The following TCERG1L variants were observed in gnomAD, a reference collection of about 807,000 sequenced individuals.
TCERG1L encodes the protein transcription elongation regulator 1 like, also known as transcription elongation regulator 1-like protein.
In TCERG1L, 37 loss-of-function variants were observed where a neutral mutation model predicts 56.3. The observed-to-expected ratio is 0.66, with a 90% CI of 0.51 to 0.87. The LOEUF is 0.87. Among genes scored for constraint, TCERG1L ranks in the 40% least tolerant of loss-of-function variants. The pLI is 0.00. For missense variants in TCERG1L, 799 were observed against 774.2 expected (o/e 1.03, Z -0.38); for synonymous variants, 324 against 326.3 (o/e 0.99, Z 0.08).
chr10:131,267,283 T>G lies in TCERG1L; in HGVS notation c.671-6839A>C, dbSNP rs1463940159. ...TGAGTGTGCACACACCTGGCTGGAC[T>G]GCAACAGCACCCAGGCTTGGCCCCA... On this transcript the variant is annotated intron_variant, in intron 3 of 11. Transcript: ENST00000368642. The surrounding 1 kb of genome is among the most constrained non-coding windows in gnomAD (Gnocchi z 4.9). 6.6e-6 allele frequency among the ~76,000 whole-genome samples: 1 copy of G among 152,164 alleles called. No homozygotes were observed. Among genetic ancestry groups the G allele is most frequent in the Non-Finnish European group, 1.5e-5 (1 of 68,020 alleles).
At chr10:131,248,044 C>T (rs1846058806) in intron 4 of TCERG1L, among the ~76,000 whole-genome samples, 1 of 151,932 alleles carries the variant, frequency 6.6e-6, no homozygotes, top group South Asian at 2.1e-4. Flanking sequence ...AACTCACACA[C>T]ATTGTAAATT....
chr10:131,230,228 C>T (rs1414015153), intron 4 of TCERG1L, among the ~76,000 whole-genome samples: 8 of 152,344 alleles, frequency 5.3e-5, no homozygotes, highest in East Asian at 3.9e-4. Context: ...TTTCATTTTA[C>T]GAGGACAAGG....
At chr10:131,104,590 T>C (rs1270103802) in intron 9 of TCERG1L, among the ~76,000 whole-genome samples, 1 of 152,218 alleles carries the variant, frequency 6.6e-6, no homozygotes, top group Non-Finnish European at 1.5e-5. Context: ...CTTGGGTATC[T>C]TTCAGGGGTG....
chr10:131,231,508 G>A (rs1262766994), intron 4 of TCERG1L, among the ~76,000 whole-genome samples: 1 of 152,164 alleles, frequency 6.6e-6, no homozygotes, highest in East Asian at 1.9e-4. Context: ...TGCCTGCAGA[G>A]CTTGTGGCTC....
chr10:131,229,973 TC>T (rs1267302611), intron 4 of TCERG1L, among the ~76,000 whole-genome samples: 2 of 152,168 alleles, frequency 1.3e-5, no homozygotes, highest in African/African-American at 4.8e-5. Flanking sequence ...CAGCTTCCCC[TC>T]CGCAGAAGCA....
intron 4 of TCERG1L, among the ~76,000 whole-genome samples, chr10:131,182,213 C>T (rs1845187698): frequency 6.6e-6 from 1 of 152,144 alleles, no homozygotes; most frequent in South Asian, 2.1e-4. Flanking sequence ...TGTGAGTGGG[C>T]ATGGGAAACA....
At chr10:131,153,623 C>T (rs1265300948) in intron 6 of TCERG1L, among the ~76,000 whole-genome samples, 1 of 152,156 alleles carries the variant, frequency 6.6e-6, no homozygotes, top group Non-Finnish European at 1.5e-5. Flanking sequence ...GATCCTAGGC[C>T]AGCATTTGTT....
rs1451905282 is a variant in TCERG1L at position 131,260,337 on chromosome 10, A to G, written c.778T>C (p.Ser260Pro). Residue 260 changes from serine to proline, a missense_variant, in exon 4 of 12, where the codon TCC becomes CCC. Transcript: ENST00000368642. The surrounding 1 kb of genome is among the most constrained non-coding windows in gnomAD (Gnocchi z 5.8). ...TGGCGCGGCTGCACGCTGGAGGGGG[A>G]CGGGCCCCGGAGGTTCTCAGGGTCC... ...SVDPENLRGP[S>P]PSSVQPRHFL... The G allele has an allele frequency of 6.1e-6, 9 of 1,469,424 alleles. No homozygotes were observed. The highest frequency in any genetic ancestry group is 1.5e-5 in the South Asian group (1 of 66,190). The allele number at this position is 1,469,424 out of a possible 1,614,324, so 91.0% of individuals were successfully genotyped here.
At chr10:131,258,727 C>T (rs72841359) in intron 4 of TCERG1L, among the ~76,000 whole-genome samples, 9,865 of 152,218 alleles carry the variant, frequency 0.065, 474 homozygotes, top group Non-Finnish European at 0.1. Flanking sequence ...TGGTGCTGGC[C>T]TCGTTCTAAC....
chr10:131,149,455 AG>A (rs1472628903), intron 6 of TCERG1L, among the ~76,000 whole-genome samples: 5 of 152,354 alleles, frequency 3.3e-5, no homozygotes, highest in African/African-American at 1.2e-4. Context: ...CGGCTAGCAT[AG>A]GAAGTTTTTA....
intron 4 of TCERG1L, among the ~76,000 whole-genome samples, chr10:131,252,518 G>A (rs1846122875): frequency 6.6e-6 from 1 of 152,086 alleles, no homozygotes; most frequent in African/African-American, 2.4e-5. Context: ...CTGAACACAG[G>A]CTGTCCTCCC....
intron 4 of TCERG1L, among the ~76,000 whole-genome samples, chr10:131,179,922 G>A (rs996678587): frequency 6.6e-6 from 1 of 152,174 alleles, no homozygotes; most frequent in Non-Finnish European, 1.5e-5. Context: ...TCTGCTGCTG[G>A]TGACAGCAGT....
intron 3 of TCERG1L, among the ~76,000 whole-genome samples, chr10:131,299,568 A>C (rs886378843): frequency 1.3e-5 from 2 of 152,030 alleles, no homozygotes; most frequent in African/African-American, 4.8e-5. Context: ...TTATCCTTCC[A>C]CTATTAAGTA....
At chr10:131,193,572 A>G (rs574076120) in intron 4 of TCERG1L, among the ~76,000 whole-genome samples, 1 of 152,292 alleles carries the variant, frequency 6.6e-6, no homozygotes, top group African/African-American at 2.4e-5. Context: ...TGGCTAGCCA[A>G]TGTTCCCAGC....
chr10:131,202,606 G>C (rs1252293459), intron 4 of TCERG1L, among the ~76,000 whole-genome samples: 1 of 152,086 alleles, frequency 6.6e-6, no homozygotes, highest in African/African-American at 2.4e-5. Flanking sequence ...ATAAAAAACA[G>C]ATTTTTTCAA....
At chr10:131,303,435 T>C (rs2133584278) in intron 3 of TCERG1L, among the ~76,000 whole-genome samples, 1 of 152,244 alleles carries the variant, frequency 6.6e-6, no homozygotes, top group South Asian at 2.1e-4. Context: ...TTTTGAGAAG[T>C]GTCTGTTCAT....
At chr10:131,238,548 G>A (rs1192255299) in intron 4 of TCERG1L, among the ~76,000 whole-genome samples, 2 of 152,146 alleles carry the variant, frequency 1.3e-5, no homozygotes, top group African/African-American at 2.4e-5. Flanking sequence ...AACCTCCCCC[G>A]AGGGAACGGC....
chr10:131,255,649 G>A (rs1354052744), intron 4 of TCERG1L, among the ~76,000 whole-genome samples: 9 of 152,260 alleles, frequency 5.9e-5, no homozygotes, highest in Admixed American at 5.9e-4. Context: ...AAGAGAGGGT[G>A]AATTGGAGCT....
chr10:131,282,862 A>G (rs574049509), intron 3 of TCERG1L, among the ~76,000 whole-genome samples: 1 of 152,348 alleles, frequency 6.6e-6, no homozygotes, highest in South Asian at 2.1e-4. Context: ...AAAAAAAAGT[A>G]AAGTAAGCTG....
Sources: gnomAD v4.1 joint callset for allele counts (sites outside exome capture counted in the v4.1 genomes callset) on GRCh38, gnomAD v4.1.1 for gene constraint, Gnocchi (gnomAD v3.1) non-coding constraint, MANE v1.5 for transcripts, NCBI Gene and HGNC (gene_info 2026-07-23, HGNC 2026-07-21) for gene names.